The following CFAP221 variants were observed in gnomAD, a reference collection of about 807,000 sequenced individuals.
CFAP221 encodes the protein cilia- and flagella-associated protein 221.
CFAP221 carries 97 observed loss-of-function variants against 113.1 expected under a neutral mutation model. The observed-to-expected ratio is 0.86, with a 90% CI of 0.73 to 1.02. CFAP221 has a LOEUF of 1.02. Among genes scored for constraint, CFAP221 ranks in the 50% least tolerant of loss-of-function variants. CFAP221 has a pLI of 0.00. For missense variants in CFAP221, 1,025 were observed against 1,013.4 expected (o/e 1.01, Z -0.16); for synonymous variants, 331 against 354.4 (o/e 0.93, Z 0.74).
chr2:119,603,330 G>A (rs1684490926), intron 8 of CFAP221, among the ~76,000 whole-genome samples: 1 of 152,134 alleles, frequency 6.6e-6, no homozygotes, highest in Admixed American at 6.5e-5. Flanking sequence ...AGCAGAGGTG[G>A]TGTCAAGGCT....
chr2:119,592,715 T>A (rs941029293), intron 7 of CFAP221, among the ~76,000 whole-genome samples: 3 of 152,238 alleles, frequency 2.0e-5, no homozygotes, highest in African/African-American at 7.2e-5. Context: ...ACAGTGTCTC[T>A]CTGCTGTCTG....
intron 6 of CFAP221, among the ~76,000 whole-genome samples, chr2:119,574,114 T>C (rs1360851819): frequency 6.6e-6 from 1 of 152,220 alleles, no homozygotes; most frequent in African/African-American, 2.4e-5. Context: ...TATAAAAGCC[T>C]ACCTTGAAAA....
In CFAP221 at chr2:119,580,386, G is replaced by A. The variant is rs543286607; in HGVS notation, c.528-6733G>A. 3.3e-5 allele frequency: 5 copies of A among 152,310 alleles called. No individual in the cohort carries two copies. The East Asian group carries it at 7.7e-4, about 24-fold the overall frequency. 9.4% of individuals were successfully genotyped at this position (152,310 alleles called of 1,614,324 possible). The stretch of plus-strand genomic sequence containing the variant: ...ACATGAGTATATAAAGTCTGATGCA[G>A]GCCTATACCCTATTGGGGATCTCAT... On this transcript the variant is annotated intron_variant, in intron 6 of 23. Coordinates refer to ENST00000413369, the MANE Select transcript of CFAP221 (RefSeq NM_001271049.2).
At chr2:119,574,944 A>G (rs1682334376) in intron 6 of CFAP221, among the ~76,000 whole-genome samples, 1 of 152,162 alleles carries the variant, frequency 6.6e-6, no homozygotes, top group African/African-American at 2.4e-5. Context: ...TTAAAAATGG[A>G]TTTCTTACTC....
At position 119,617,914 on chromosome 2, in the gene CFAP221, C is replaced by T. The variant is rs1248500488; in HGVS notation, c.1410+2205C>T. 4.6e-5 allele frequency among the ~76,000 whole-genome samples: 7 copies of T among 152,352 alleles called. No homozygotes were observed. In the East Asian group the frequency reaches 1.3e-3, roughly 29 times the overall value. The stretch of plus-strand genomic sequence containing the variant: ...TTGTTCCGGCATCAGGACCTCTGCA[C>T]TGGCTACCTCCTCTGCTCAGAGCTC... On this transcript the variant is annotated intron_variant, in intron 14 of 23. Transcript: ENST00000413369.
intron 19 of CFAP221, among the ~76,000 whole-genome samples, chr2:119,637,080 C>G (rs1687161810): frequency 6.6e-6 from 1 of 152,188 alleles, no homozygotes; most frequent in Non-Finnish European, 1.5e-5. Flanking sequence ...GCCCCACTCC[C>G]CATCACACTG....
intron 7 of CFAP221, 79 bp downstream of exon 7, chr2:119,587,301 T>C: frequency 9.9e-7 from 1 of 1,011,194 alleles, no homozygotes; most frequent in South Asian, 2.0e-5. Context: ...CACATATCAG[T>C]GATGAATTTT....
At position 119,627,733 on chromosome 2, in the gene CFAP221, G is replaced by A. The variant is rs747899692; in HGVS notation, c.1597G>A (p.Val533Met). Residue 533 changes from valine (V) to methionine (M), a missense_variant, in exon 16 of 24, where the codon GTG becomes ATG. Coordinates refer to ENST00000413369, the MANE Select transcript of CFAP221 (RefSeq NM_001271049.2). ...CCGGTTCTCTGTGTCGCCCAAGGAG[G>A]TGCTGCCCTTCGCTTTCCCAGACTG... Reference protein sequence around the residue: ...TSRFSVSPKEVLPFAFPDCSP... With the variant: ...TSRFSVSPKEMLPFAFPDCSP... The A allele has an allele frequency of 6.2e-7, 1 of 1,613,818 alleles. No homozygotes were observed.
At chr2:119,579,889 A>G (rs1682721899) in intron 6 of CFAP221, among the ~76,000 whole-genome samples, 1 of 152,170 alleles carries the variant, frequency 6.6e-6, no homozygotes, top group Admixed American at 6.5e-5. Context: ...CTTTGCCGGG[A>G]CAGCTTTGAG....
chr2:119,639,636 T>C, intron 20 of CFAP221, 145 bp from the exon 21 acceptor site: 1 of 654,604 alleles, frequency 1.5e-6, no homozygotes, highest in Non-Finnish European at 2.7e-6. Context: ...ATTGCCTTTT[T>C]GCTTCAGAAA....
chr2:119,577,957 T>C (rs1682570532), intron 6 of CFAP221, among the ~76,000 whole-genome samples: 2 of 152,140 alleles, frequency 1.3e-5, no homozygotes. Context: ...TGATGGGGAG[T>C]GCTCCTCTCT....
At position 119,630,776 on chromosome 2, in the gene CFAP221, A is replaced by C; in HGVS notation, c.1849A>C (p.Thr617Pro). The C allele has an allele frequency of 2.5e-6, 4 of 1,610,462 alleles. No individual in the cohort carries two copies. The highest frequency in any genetic ancestry group is 2.5e-6 in the Non-Finnish European group (3 of 1,176,948). ...CCTTGCTCCTTGTTAGGATGAAGTC[A>C]CCACCATCACAGCCCTTCCGAAACA... ...ALKQGAEDEV[T>P]TITALPKQDS... The change falls in exon 19 of 24, where the codon ACC becomes CCC. Residue 617 changes from threonine (T) to proline (P), a missense_variant. Coordinates refer to ENST00000413369, the MANE Select transcript of CFAP221 (RefSeq NM_001271049.2).
intron 3 of CFAP221, among the ~76,000 whole-genome samples, chr2:119,554,599 T>A (rs1271596339): frequency 6.6e-6 from 1 of 152,224 alleles, no homozygotes; most frequent in African/African-American, 2.4e-5. Flanking sequence ...AGACCTATTC[T>A]ATTACAGCCT....
Position 119,546,250 on chromosome 2 carries a change from C to A in CFAP221, c.119C>A (p.Pro40His), listed in dbSNP as rs1338584713. The A allele has an allele frequency of 6.5e-7, 1 of 1,535,202 alleles. No homozygotes were observed. Among genetic ancestry groups the A allele is most frequent in the Admixed American group, 2.0e-5 (1 of 50,838 alleles). ...VEEPKKRKEV[P>H]NHLLESKVYA... ...GAGCCGAAAAAAAGAAAAGAAGTACCTAATCACCTCCTAGAATCAAGTAAG... is the reference window on the plus strand; with the variant it reads ...GAGCCGAAAAAAAGAAAAGAAGTACATAATCACCTCCTAGAATCAAGTAAG... Residue 40 changes from proline (P) to histidine (H), a missense_variant, in exon 2 of 24, where the codon CCT becomes CAT. Physicochemically the swap from Pro to His is moderately conservative, Grantham distance 77. Transcript: ENST00000413369.
At chr2:119,577,605 A>T (rs529325917) in intron 6 of CFAP221, among the ~76,000 whole-genome samples, 2 of 152,176 alleles carry the variant, frequency 1.3e-5, no homozygotes, top group Admixed American at 6.5e-5. Context: ...TTTATTAACC[A>T]TGTGACCTTG....
At chr2:119,553,804 G>A (rs1448372065) in intron 3 of CFAP221, among the ~76,000 whole-genome samples, 1 of 152,200 alleles carries the variant, frequency 6.6e-6, no homozygotes, top group Non-Finnish European at 1.5e-5. Flanking sequence ...GACCATGTCT[G>A]TCTTTCATAT....
At chr2:119,648,585 A>G in intron 22 of CFAP221, 1 of 172,062 alleles carries the variant, frequency 5.8e-6, no homozygotes. Flanking sequence ...TATTTCCTGA[A>G]CTCCTGTTAC....
chr2:119,589,424 C>T (rs189129985), intron 7 of CFAP221, among the ~76,000 whole-genome samples: 16 of 152,326 alleles, frequency 1.1e-4, no homozygotes, highest in African/African-American at 3.8e-4. Context: ...GCTTTTTGGC[C>T]ACAAGGCATT....
chr2:119,549,901 C>G (rs1680301989), intron 3 of CFAP221, among the ~76,000 whole-genome samples: 1 of 152,250 alleles, frequency 6.6e-6, no homozygotes, highest in African/African-American at 2.4e-5. Context: ...CCAACTCTTG[C>G]TGGGTCCCCT....
Sources: allele counts gnomAD v4.1 joint callset (sites outside exome capture counted in the v4.1 genomes callset), GRCh38; gene constraint gnomAD v4.1.1; transcripts MANE v1.5; gene names NCBI Gene and HGNC (gene_info 2026-07-23, HGNC 2026-07-21).